The following SUCLG2 variants were observed in gnomAD, a reference collection of about 807,000 sequenced individuals.
SUCLG2 encodes the protein succinate-CoA ligase GDP-forming subunit beta, also known as succinate--CoA ligase [GDP-forming] subunit beta, mitochondrial.
In SUCLG2, 42 loss-of-function variants were observed where a neutral mutation model predicts 47.9. The ratio of observed to expected loss-of-function variants is 0.88; its 90% CI spans 0.69 to 1.14. The LOEUF (loss-of-function observed/expected upper bound fraction) is 1.14, where lower values mean the gene tolerates loss of function less well. Among genes scored for constraint, SUCLG2 ranks in the 50% most tolerant of loss-of-function variants. The probability of loss-of-function intolerance (pLI) is 0.00; values close to 1 mark genes in which losing one functional copy is unlikely to be tolerated. For missense variants in SUCLG2, 571 were observed against 525.9 expected (o/e 1.09, Z -0.84); for synonymous variants, 195 against 197.3 (o/e 0.99, Z 0.10).
In SUCLG2 at chr3:67,525,306, C is replaced by G. The variant is rs898996643; in HGVS notation, c.417+2826G>C. ...GATTGTACATAAAAAGGTATAGGAA[C>G]TAGAACAGGTAAAACTGTTTTGGAA... On this transcript the variant is annotated intron_variant, in intron 4 of 10. Transcript: ENST00000307227. 4.6e-5 allele frequency among the ~76,000 whole-genome samples: 7 copies of G among 152,150 alleles called. No homozygotes were observed. In the East Asian group the frequency reaches 1.4e-3, roughly 29 times the overall value.
intron 6 of SUCLG2, among the ~76,000 whole-genome samples, chr3:67,510,849 T>G (rs1705767512): frequency 2.0e-5 from 3 of 151,962 alleles, no homozygotes; most frequent in South Asian, 4.1e-4. Flanking sequence ...CAAAAAGGAA[T>G]GTAGCCATTT....
chr3:67,589,400 T>A (rs1043436121), intron 2 of SUCLG2, among the ~76,000 whole-genome samples: 7 of 152,240 alleles, frequency 4.6e-5, no homozygotes, highest in East Asian at 3.8e-4. Flanking sequence ...TACCTGTACA[T>A]AATACCTGCT....
intron 2 of SUCLG2, among the ~76,000 whole-genome samples, chr3:67,598,369 C>T (rs935529525): frequency 6.6e-6 from 1 of 152,108 alleles, no homozygotes; most frequent in East Asian, 1.9e-4. Context: ...TTCAGGTAAC[C>T]AAAAACTTTA....
Position 67,374,722 on chromosome 3 carries a change from C to G in SUCLG2, c.*1022G>C, listed in dbSNP as rs1332958327. The G allele has an allele frequency of 2.3e-6, 2 of 880,230 alleles. No homozygotes were observed. Among genetic ancestry groups the G allele is most frequent in the Non-Finnish European group, 2.7e-6 (2 of 734,822 alleles). 54.5% of individuals were successfully genotyped at this position (880,230 alleles called of 1,614,324 possible). ...AAATGAGAGATACACACAGATCTTA[C>G]AGCTTACAAAACATAATTTTATTTA... is the stretch of plus-strand genomic sequence containing the variant. On this transcript the variant is annotated 3_prime_UTR_variant, in exon 11 of 11. Transcript: ENST00000307227.
chr3:67,467,492 C>A (rs1704503124), intron 9 of SUCLG2, among the ~76,000 whole-genome samples: 1 of 152,192 alleles, frequency 6.6e-6, no homozygotes, highest in South Asian at 2.1e-4. Flanking sequence ...CAATGACAGA[C>A]TTTTCAAATA....
chr3:67,386,766 T>C (rs999760392), intron 10 of SUCLG2, among the ~76,000 whole-genome samples: 4 of 152,186 alleles, frequency 2.6e-5, no homozygotes, highest in Non-Finnish European at 5.9e-5. Flanking sequence ...AAGATGAGAT[T>C]TGGGTGGGGA....
At chr3:67,427,142 T>C (rs890334837) in intron 9 of SUCLG2, among the ~76,000 whole-genome samples, 4 of 152,228 alleles carry the variant, frequency 2.6e-5, no homozygotes, top group African/African-American at 9.6e-5. Flanking sequence ...TCCAGTCACC[T>C]AAAATAGCCA....
At chr3:67,544,907 C>T (rs1176890189) in intron 2 of SUCLG2, among the ~76,000 whole-genome samples, 1 of 152,134 alleles carries the variant, frequency 6.6e-6, no homozygotes, top group Non-Finnish European at 1.5e-5. Flanking sequence ...TCCCTATGTT[C>T]AAGAACAGCA....
chr3:67,434,158 T>A (rs530267759), intron 9 of SUCLG2, among the ~76,000 whole-genome samples: 1 of 152,288 alleles, frequency 6.6e-6, no homozygotes, highest in East Asian at 1.9e-4. Flanking sequence ...AGCAGAAAAG[T>A]GAGCACACAA....
At chr3:67,376,812 G>A (rs1422732417) in intron 10 of SUCLG2, among the ~76,000 whole-genome samples, 1 of 152,180 alleles carries the variant, frequency 6.6e-6, no homozygotes, top group Non-Finnish European at 1.5e-5. Context: ...GCTTGGCACT[G>A]TGTCTTCACC....
chr3:67,605,300 A>T (rs1700388894), intron 2 of SUCLG2, among the ~76,000 whole-genome samples: 1 of 152,146 alleles, frequency 6.6e-6, no homozygotes, highest in South Asian at 2.1e-4. Context: ...GAATGTAAAT[A>T]CTCTGAAGTT....
At chr3:67,578,499 C>T (rs1177436993) in intron 2 of SUCLG2, among the ~76,000 whole-genome samples, 2 of 151,860 alleles carry the variant, frequency 1.3e-5, no homozygotes, top group Admixed American at 6.6e-5. Context: ...AATGTGTATG[C>T]CAAATCTTAT....
intron 10 of SUCLG2, among the ~76,000 whole-genome samples, chr3:67,397,659 GA>G: frequency 6.6e-6 from 1 of 152,136 alleles, no homozygotes; most frequent in African/African-American, 2.4e-5. Flanking sequence ...CACAGAATTG[GA>G]AAAAACTACT....
chr3:67,653,630 CT>C (rs775312661), intron 1 of SUCLG2, among the ~76,000 whole-genome samples: 5 of 152,192 alleles, frequency 3.3e-5, no homozygotes, highest in Non-Finnish European at 7.3e-5. Context: ...ATTAACTCTG[CT>C]GTGGCTGAAT....
At chr3:67,653,806 G>T (rs1478332351) in intron 1 of SUCLG2, among the ~76,000 whole-genome samples, 1 of 152,174 alleles carries the variant, frequency 6.6e-6, no homozygotes, top group Non-Finnish European at 1.5e-5. Flanking sequence ...ATCTGCTAGA[G>T]GCCAAGTTCC....
chr3:67,635,113 T>C (rs1367160888), intron 1 of SUCLG2, among the ~76,000 whole-genome samples: 1 of 152,154 alleles, frequency 6.6e-6, no homozygotes, highest in East Asian at 1.9e-4. Flanking sequence ...GCTTCCAACA[T>C]CATCATGAAG....
At chr3:67,379,983 C>T (rs1050621475) in intron 10 of SUCLG2, among the ~76,000 whole-genome samples, 8 of 152,168 alleles carry the variant, frequency 5.3e-5, no homozygotes, top group African/African-American at 1.7e-4. Context: ...TCCCAATATC[C>T]GTTAGCTAGC....
chr3:67,615,504 A>G (rs1338008943), intron 1 of SUCLG2, among the ~76,000 whole-genome samples: 1 of 152,144 alleles, frequency 6.6e-6, no homozygotes, highest in East Asian at 1.9e-4. Flanking sequence ...AGCATAAAGC[A>G]GTATTAGAAA....
intron 2 of SUCLG2, among the ~76,000 whole-genome samples, chr3:67,581,073 C>T (rs946875167): frequency 3.9e-5 from 6 of 152,162 alleles, no homozygotes; most frequent in African/African-American, 1.4e-4. Flanking sequence ...CTGAAGAATA[C>T]TTAATCTTTT....
Sources: gnomAD v4.1 joint callset for allele counts (sites outside exome capture counted in the v4.1 genomes callset) on GRCh38, gnomAD v4.1.1 for gene constraint, MANE v1.5 for transcripts, NCBI Gene and HGNC (gene_info 2026-07-23, HGNC 2026-07-21) for gene names.